Variants in ROBO1 observed in about 807,000 individuals in gnomAD.
ROBO1 encodes roundabout guidance receptor 1, also known as roundabout homolog 1.
A neutral mutation model predicts 195.9 loss-of-function variants in ROBO1; 149 were observed. That is an observed-to-expected ratio of 0.76 (90% CI 0.67 to 0.87). The LOEUF (loss-of-function observed/expected upper bound fraction) is 0.87, where lower values mean the gene tolerates loss of function less well. Among genes scored for constraint, ROBO1 ranks in the 40% least tolerant of loss-of-function variants. The pLI, the probability that ROBO1 is intolerant of heterozygous loss-of-function variation, is 0.00. For synonymous variants in ROBO1, 816 were observed against 733.2 expected (o/e 1.11, Z -1.82); for missense variants, 1,933 against 2,068.3 (o/e 0.93, Z 1.27).
intron 1 of ROBO1, among the ~76,000 whole-genome samples, chr3:79,647,504 T>C (rs1298570661): frequency 3.3e-5 from 5 of 152,036 alleles, no homozygotes; most frequent in African/African-American, 4.8e-5. Flanking sequence ...ATGTTCTCAA[T>C]TGGGGGCAAT....
chr3:79,617,769 A>C (rs570519496), intron 1 of ROBO1, among the ~76,000 whole-genome samples: 1 of 142,860 alleles, frequency 7.0e-6, no homozygotes, highest in Non-Finnish European at 1.5e-5. Flanking sequence ...GCTCAATGAG[A>C]TGCAAGAGGC....
At position 79,006,743 on chromosome 3, in the gene ROBO1, C is replaced by T. The variant is rs374554749; in HGVS notation, c.173-67816G>A. ...TGTATAGGCATTTCAGTTTTCAACC[C>T]TTACAAAATATCGGAAAAAAAAAAA... On this transcript the variant is annotated intron_variant, in intron 3 of 30. Transcript: ENST00000464233. 4.4e-4 allele frequency among the ~76,000 whole-genome samples: 58 copies of T among 131,460 alleles called. 1 individual carries two copies. Among genetic ancestry groups the T allele is most frequent in the African/African-American group, 1.5e-3 (54 of 35,082 alleles). 86.2% of individuals were successfully genotyped at this position (131,460 alleles called of 152,430 possible).
chr3:79,063,350 T>C (rs1249426628), intron 3 of ROBO1, among the ~76,000 whole-genome samples: 1 of 151,948 alleles, frequency 6.6e-6, no homozygotes, highest in Non-Finnish European at 1.5e-5. Flanking sequence ...ATCATTCTTA[T>C]CAGAATACAA....
intron 25 of ROBO1, among the ~76,000 whole-genome samples, chr3:78,630,043 A>G (rs533088680): frequency 6.6e-6 from 1 of 152,342 alleles, no homozygotes; most frequent in African/African-American, 2.4e-5. Context: ...TCCACGCCCT[A>G]GAAGGCTGTA....
At chr3:78,659,903 C>T in intron 16 of ROBO1, 96 bp from the exon 17 acceptor site, 3 of 707,998 alleles carry the variant, frequency 4.2e-6, no homozygotes, top group South Asian at 2.5e-5. Flanking sequence ...TGTATTAATA[C>T]TATATCAATA....
chr3:79,619,101 T>C (rs13080078), intron 1 of ROBO1, among the ~76,000 whole-genome samples: 17 of 150,754 alleles, frequency 1.1e-4, no homozygotes, highest in African/African-American at 1.9e-4. Flanking sequence ...GTCTGATCAC[T>C]GCAGAGACAC....
At chr3:79,345,730 C>A (rs1387218693) in intron 2 of ROBO1, among the ~76,000 whole-genome samples, 1 of 152,112 alleles carries the variant, frequency 6.6e-6, no homozygotes, top group Non-Finnish European at 1.5e-5. Context: ...AAGTTGTAAT[C>A]TCTGGTACTC....
chr3:78,710,971 C>A (rs577135783), intron 8 of ROBO1, among the ~76,000 whole-genome samples: 1 of 152,248 alleles, frequency 6.6e-6, no homozygotes, highest in Admixed American at 6.5e-5. Context: ...AAGTAACTTC[C>A]GGTAAGTTTA....
At chr3:79,409,084 T>C (rs1477610915) in intron 2 of ROBO1, among the ~76,000 whole-genome samples, 1 of 152,076 alleles carries the variant, frequency 6.6e-6, no homozygotes, top group Non-Finnish European at 1.5e-5. Context: ...ATGCAAAAAG[T>C]TGAATAAACA....
rs185393174 is a variant in ROBO1, at chr3:79,403,871, A to T, written c.88+185953T>A. Among the ~76,000 whole-genome samples, 493 of 152,128 alleles carry T rather than the reference A, an allele frequency of 3.2e-3. 7 individuals carry two copies. The highest frequency in any genetic ancestry group is 2.8e-3 in the Non-Finnish European group (188 of 67,930). ...AGATGCTTGAAACCATCATGATGGT[A>T]TCATTTGGAGCCATCTCTCTGTGGC... is the stretch of plus-strand genomic sequence containing the variant. On this transcript the variant is annotated intron_variant, in intron 2 of 30. Transcript: ENST00000464233.
At chr3:78,784,466 G>A (rs996282283) in intron 4 of ROBO1, among the ~76,000 whole-genome samples, 36 of 152,206 alleles carry the variant, frequency 2.4e-4, no homozygotes, top group Middle Eastern at 3.4e-3. Context: ...ATGTTTAGCT[G>A]TACAGCTTTA....
chr3:79,543,891 G>C (rs1942168047), intron 2 of ROBO1, among the ~76,000 whole-genome samples: 1 of 152,066 alleles, frequency 6.6e-6, no homozygotes, highest in Non-Finnish European at 1.5e-5. Flanking sequence ...TCATCACCTA[G>C]TTCCTCTGTA....
chr3:78,950,634 C>T (rs1237681668), intron 3 of ROBO1, among the ~76,000 whole-genome samples: 2 of 150,756 alleles, frequency 1.3e-5, no homozygotes, highest in African/African-American at 4.9e-5. Context: ...GCACATTGTG[C>T]ACATGTACCC....
chr3:78,636,919 A>AATAT (rs1705536943), intron 22 of ROBO1, among the ~76,000 whole-genome samples: 1 of 128,184 alleles, frequency 7.8e-6, no homozygotes, highest in African/African-American at 2.8e-5. Flanking sequence ...ATACATACAT[A>AATAT]ATATATACAT....
chr3:79,710,750 A>G (rs1023641583), intron 1 of ROBO1, among the ~76,000 whole-genome samples: 2 of 152,280 alleles, frequency 1.3e-5, no homozygotes, highest in Non-Finnish European at 2.9e-5. Context: ...AGTAGCATAA[A>G]ATTTGGTTGG....
intron 1 of ROBO1, among the ~76,000 whole-genome samples, chr3:79,617,536 A>G (rs1451733303): frequency 3.3e-5 from 5 of 152,168 alleles, no homozygotes; most frequent in African/African-American, 1.2e-4. Context: ...TACAACTTAT[A>G]TTACAGCCCC....
intron 4 of ROBO1, among the ~76,000 whole-genome samples, chr3:78,762,406 G>T (rs572441177): frequency 4.6e-5 from 7 of 151,910 alleles, no homozygotes; most frequent in Non-Finnish European, 1.0e-4. Flanking sequence ...AAAACACATT[G>T]TTGCTCCTAA....
chr3:79,446,468 GAAAT>G (rs1028445132), intron 2 of ROBO1, among the ~76,000 whole-genome samples: 1 of 152,112 alleles, frequency 6.6e-6, no homozygotes, highest in African/African-American at 2.4e-5. Context: ...TTAGTGTTTT[GAAAT>G]AAATAAGATC....
intron 4 of ROBO1, among the ~76,000 whole-genome samples, chr3:78,912,961 T>C (rs1332182521): frequency 2.0e-5 from 3 of 152,122 alleles, no homozygotes; most frequent in Non-Finnish European, 4.4e-5. Context: ...AACAAAACAA[T>C]TATATTGTTG....
Sources: gnomAD v4.1 joint callset for allele counts (sites outside exome capture counted in the v4.1 genomes callset) on GRCh38, gnomAD v4.1.1 for gene constraint, MANE v1.5 for transcripts, NCBI Gene and HGNC (gene_info 2026-07-23, HGNC 2026-07-21) for gene names.